DNASE1: variants seen among roughly 807,000 people sequenced by gnomAD.
DNASE1 encodes the protein deoxyribonuclease 1.
Under a neutral mutation model 33.9 loss-of-function variants are expected in DNASE1, and 40 were observed. The observed-to-expected ratio is 1.18, with a 90% CI of 0.92 to 1.54. The LOEUF is 1.54. DNASE1 is among the 40% of genes most tolerant of loss of function. The probability of loss-of-function intolerance (pLI) is 0.00; values close to 1 mark genes in which losing one functional copy is unlikely to be tolerated. For missense variants in DNASE1, 518 were observed against 372.6 expected (o/e 1.39, Z -3.21); for synonymous variants, 216 against 160.0 (o/e 1.35, Z -2.64).
chr16:3,620,072 C>T (rs541413326), intron 1 of DNASE1, among the ~76,000 whole-genome samples: 27 of 152,120 alleles, frequency 1.8e-4, no homozygotes, highest in African/African-American at 2.9e-4. Flanking sequence ...TGCGCCATCA[C>T]GCCTGGCCAA....
At chr16:3,659,687 G>A (rs1348764900), downstream of DNASE1, 1 of 152,070 alleles carries the variant, frequency 6.6e-6, no homozygotes, top group African/African-American at 2.4e-5. Flanking sequence ...ACCACATGTG[G>A]ATGATATGCT....
chr16:3,616,751 G>A (rs1378274098), intron 1 of DNASE1, among the ~76,000 whole-genome samples: 2 of 152,134 alleles, frequency 1.3e-5, no homozygotes, highest in African/African-American at 2.4e-5. Context: ...CTTATTACAA[G>A]CTATAGTAAT....
At chr16:3,624,114 TA>T (rs2041420631) in intron 1 of DNASE1, among the ~76,000 whole-genome samples, 3 of 151,876 alleles carry the variant, frequency 2.0e-5, no homozygotes, top group Non-Finnish European at 4.4e-5. Context: ...CCGTCTCTAC[TA>T]AAAATACAAA....
At chr16:3,641,858 G>T (rs2042031533), upstream of DNASE1, among the ~76,000 whole-genome samples, 1 of 152,180 alleles carries the variant, frequency 6.6e-6, no homozygotes, top group South Asian at 2.1e-4. Context: ...GAGAGCAGGG[G>T]CCGGGGACCA....
At chr16:3,621,253 CTT>C (rs1354712324) in intron 1 of DNASE1, among the ~76,000 whole-genome samples, 3 of 152,056 alleles carry the variant, frequency 2.0e-5, no homozygotes, top group African/African-American at 2.4e-5. Flanking sequence ...ACCCAACTGA[CTT>C]TTAAAAATTT....
intron 1 of DNASE1, among the ~76,000 whole-genome samples, chr16:3,613,547 T>C (rs2040984716): frequency 1.3e-5 from 2 of 152,152 alleles, no homozygotes; most frequent in African/African-American, 4.8e-5. Context: ...ATGAAGGATT[T>C]AGGAGGTGTT....
intron 1 of DNASE1, among the ~76,000 whole-genome samples, chr16:3,635,457 CA>C (rs753495578): frequency 0.12 from 7,129 of 59,548 alleles, 138 homozygotes; most frequent in Non-Finnish European, 0.14. Flanking sequence ...GACTCTGTCT[CA>C]AAAAAAAAAA....
chr16:3,623,044 C>T (rs1052294641), intron 1 of DNASE1, among the ~76,000 whole-genome samples: 5 of 152,048 alleles, frequency 3.3e-5, no homozygotes, highest in African/African-American at 1.2e-4. Flanking sequence ...CTGCCCCCCA[C>T]GTCCCCCCAA....
intron 1 of DNASE1, among the ~76,000 whole-genome samples, chr16:3,619,074 A>G (rs949331939): frequency 2.6e-5 from 4 of 151,396 alleles, no homozygotes; most frequent in Admixed American, 6.6e-5. Context: ...ACACTCTATC[A>G]TCCAGAATGG....
At position 3,622,535 on chromosome 16, in the gene DNASE1, G is replaced by T. The variant is rs558433191; in HGVS notation, c.-1359+10529G>T. On this transcript the variant is annotated intron_variant and NMD_transcript_variant, in intron 1 of 11. Coordinates refer to the DNASE1 transcript ENST00000570769. ...TGATTAATCTTTTTCCTATTGATTTGTAAGAACTCTATATTGTGGAAATGG... is the reference window on the plus strand; with the variant it reads ...TGATTAATCTTTTTCCTATTGATTTTTAAGAACTCTATATTGTGGAAATGG... 2.6e-5 allele frequency among the ~76,000 whole-genome samples: 4 copies of T among 152,056 alleles called. No homozygotes were observed. In the South Asian group the frequency reaches 8.3e-4, roughly 32 times the overall value.
intron 7 of DNASE1, 24 bp downstream of exon 7, chr16:3,657,365 G>A (rs766975943): frequency 6.2e-7 from 1 of 1,609,326 alleles, no homozygotes; most frequent in South Asian, 1.1e-5. Context: ...CGCGCTTAGG[G>A]CAGACTGAGG....
chr16:3,662,831 C>G (rs376671582), downstream of DNASE1: 11 of 1,584,024 alleles, frequency 6.9e-6, no homozygotes, highest in African/African-American at 1.3e-5. Flanking sequence ...GCTGGCCAGC[C>G]TGTTAGGGAC....
chr16:3,624,597 C>T (rs1222241279), intron 1 of DNASE1, among the ~76,000 whole-genome samples: 1 of 152,188 alleles, frequency 6.6e-6, no homozygotes, highest in African/African-American at 2.4e-5. Flanking sequence ...GCTCAGCATC[C>T]GAACATCTAG....
chr16:3,623,130 G>T (rs1183272381), intron 1 of DNASE1, among the ~76,000 whole-genome samples: 1 of 152,150 alleles, frequency 6.6e-6, no homozygotes. Context: ...CATGGTACTT[G>T]TACATATTTT....
chr16:3,634,135 T>G (rs538182483), intron 1 of DNASE1, among the ~76,000 whole-genome samples: 2 of 151,580 alleles, frequency 1.3e-5, no homozygotes, highest in Admixed American at 6.6e-5. Flanking sequence ...GACAGCAATA[T>G]CATAAGGGAC....
At chr16:3,651,235 G>A (rs1224512602), upstream of DNASE1, 1 of 152,178 alleles carries the variant, frequency 6.6e-6, no homozygotes, top group Non-Finnish European at 1.5e-5. Flanking sequence ...TGTAATTTCA[G>A]CCAAATCAGA....
Position 3,664,339 on chromosome 16 carries a change from C to T in DNASE1, c.*6386C>T, listed in dbSNP as rs756033227. ...TGCTCTGCCAGGTGACGGTTGGGGG[C>T]GCACAGGTAGTAGATGTTGCGGGTG... On this transcript the variant is annotated 3_prime_UTR_variant, in exon 10 of 10. Coordinates refer to the DNASE1 transcript ENST00000407479. The T allele has an allele frequency of 4.8e-5, 78 of 1,612,678 alleles. No individual in the cohort carries two copies. Among genetic ancestry groups the T allele is most frequent in the Middle Eastern group, 1.6e-4 (1 of 6,080 alleles).
chr16:3,625,255 G>A (rs1002527041), intron 1 of DNASE1, among the ~76,000 whole-genome samples: 12 of 152,142 alleles, frequency 7.9e-5, no homozygotes, highest in Middle Eastern at 3.4e-3. Context: ...ACAGTGAGCC[G>A]AGATCGTACC....
At chr16:3,651,500 G>A (rs1002272695), upstream of DNASE1, 1 of 152,264 alleles carries the variant, frequency 6.6e-6, no homozygotes, top group African/African-American at 2.4e-5. Context: ...CCTATCTCCA[G>A]AGTGGGGCCC....
Sources: allele counts gnomAD v4.1 joint callset (sites outside exome capture counted in the v4.1 genomes callset), GRCh38; gene constraint gnomAD v4.1.1; transcripts MANE v1.5; gene names NCBI Gene and HGNC (gene_info 2026-07-23, HGNC 2026-07-21).